The following ADAM28 variants were observed in gnomAD, a reference collection of about 807,000 sequenced individuals.
The protein encoded by ADAM28 is ADAM metallopeptidase domain 28, also known as disintegrin and metalloproteinase domain-containing protein 28.
A neutral mutation model predicts 101.2 loss-of-function variants in ADAM28; 105 were observed. The observed-to-expected ratio is 1.04, with a 90% CI of 0.89 to 1.22. The LOEUF (loss-of-function observed/expected upper bound fraction) is 1.22. Among genes scored for constraint, ADAM28 ranks in the 50% most tolerant of loss-of-function variants. ADAM28 has a pLI of 0.00. For synonymous variants in ADAM28, 322 were observed against 310.6 expected (o/e 1.04, Z -0.39); for missense variants, 1,028 against 945.4 (o/e 1.09, Z -1.15).
Position 24,323,955 on chromosome 8 carries a change from G to C in ADAM28, c.842G>C (p.Gly281Ala). The C allele has an allele frequency of 1.2e-6, 2 of 1,612,074 alleles. No individual in the cohort carries two copies. Among genetic ancestry groups the C allele is most frequent in the Non-Finnish European group, 1.7e-6 (2 of 1,178,760 alleles). ...TTGGAGAATTTTTCTAAATGGAGGGGGAGTGTTCTCTCAAGAAGAAAGCGT... is the reference window on the plus strand; with the variant it reads ...TTGGAGAATTTTTCTAAATGGAGGGCGAGTGTTCTCTCAAGAAGAAAGCGT... ...FTLENFSKWR[G>A]SVLSRRKRHD... is the part of the protein sequence containing the mutation. The change falls in exon 9 of 23, where the codon GGG becomes GCG. Residue 281 changes from glycine to alanine, a missense_variant. Coordinates refer to ENST00000265769, the MANE Select transcript of ADAM28 (RefSeq NM_014265.6).
Position 24,354,863 on chromosome 8 carries a change from A to C in ADAM28, c.*459A>C, listed in dbSNP as rs77865335. On this transcript the variant is annotated 3_prime_UTR_variant, in exon 23 of 23. Coordinates refer to ENST00000265769, the MANE Select transcript of ADAM28 (RefSeq NM_014265.6). ...AATGATGTAAAATTCTGTTTTGTGG[A>C]TCTCTTTCCTAGATTAGCTTCTGAA... 2,826 of 153,140 alleles carry C rather than the reference A, an allele frequency of 0.018. 103 individuals carry two copies. Among genetic ancestry groups the C allele is most frequent in the African/African-American group, 0.065 (2,715 of 41,552 alleles). The allele number at this position is 153,140 out of a possible 1,614,324, so 9.5% of individuals were successfully genotyped here.
intron 14 of ADAM28, 125 bp from the exon 15 acceptor site, chr8:24,339,341 T>G (rs2129323385): frequency 1.4e-6 from 1 of 700,178 alleles, no homozygotes; most frequent in Middle Eastern, 3.2e-4. Context: ...ATAGTATTTT[T>G]CTTGCTTGTT....
intron 11 of ADAM28, among the ~76,000 whole-genome samples, chr8:24,330,569 T>A (rs1007518047): frequency 6.6e-6 from 1 of 152,206 alleles, no homozygotes; most frequent in African/African-American, 2.4e-5. Context: ...CAATCTTTTT[T>A]AAATATTCAT....
Position 24,313,434 on chromosome 8 carries a change from A to G in ADAM28, c.430A>G (p.Ser144Gly). 1 of 1,613,672 alleles carries G rather than the reference A, an allele frequency of 6.2e-7. No homozygotes were observed. Among genetic ancestry groups the G allele is most frequent in the South Asian group, 1.1e-5 (1 of 91,028 alleles). ...TCAAAGATACTTTATTGAACCTTTA[A>G]GCCCCATACATCGGGATGGACAGGA... is the stretch of plus-strand genomic sequence containing the variant. Reference protein sequence around the residue: ...GDQRYFIEPLSPIHRDGQEHA... With the variant: ...GDQRYFIEPLGPIHRDGQEHA... Residue 144 changes from serine to glycine, a missense_variant, in exon 6 of 23, where the codon AGC (serine) becomes GGC (glycine). Ser to Gly is a moderately conservative substitution (Grantham distance 56). Transcript: ENST00000265769.
At chr8:24,310,312 G>A in intron 4 of ADAM28, 71 bp downstream of exon 4, 2 of 1,364,162 alleles carry the variant, frequency 1.5e-6, no homozygotes, top group Admixed American at 1.9e-5. Context: ...TCCTTGCCAG[G>A]CAAATAATAG....
At chr8:24,348,098 T>G (rs1483620377) in intron 18 of ADAM28, among the ~76,000 whole-genome samples, 1 of 152,172 alleles carries the variant, frequency 6.6e-6, no homozygotes, top group African/African-American at 2.4e-5. Flanking sequence ...ATGTTCCCTT[T>G]TCTCTCCTTT....
At chr8:24,339,148 G>C (rs1425266847) in intron 14 of ADAM28, among the ~76,000 whole-genome samples, 2 of 152,052 alleles carry the variant, frequency 1.3e-5, no homozygotes, top group Non-Finnish European at 2.9e-5. Flanking sequence ...GTCTGATGGA[G>C]ATCTGAGGAA....
In ADAM28 at chr8:24,313,581, G is replaced by T; in HGVS notation, c.576+1G>T. ...TGCCCTACCTGCCACCAAACTAGTA[G>T]TATGTGTAACTTTATTTATTTGAAA... is the stretch of plus-strand genomic sequence containing the variant. On this transcript the variant is annotated splice_donor_variant, in intron 6 of 22. Coordinates refer to ENST00000265769, the MANE Select transcript of ADAM28 (RefSeq NM_014265.6). LOFTEE classifies it high-confidence loss of function. 2 of 1,612,978 alleles carry T rather than the reference G, an allele frequency of 1.2e-6. No individual in the cohort carries two copies. The highest frequency in any genetic ancestry group is 1.7e-6 in the Non-Finnish European group (2 of 1,179,436).
At chr8:24,326,073 A>G (rs1175692744) in intron 9 of ADAM28, among the ~76,000 whole-genome samples, 1 of 151,826 alleles carries the variant, frequency 6.6e-6, no homozygotes, top group East Asian at 1.9e-4. Flanking sequence ...TTTGAATAAT[A>G]TAAATGATCA....
Position 24,323,881 on chromosome 8 carries a change from C to T in ADAM28, c.768C>T (p.Ile256=), listed in dbSNP as rs1410192549. The change falls in exon 9 of 23, where the codon ATC becomes ATT. Residue 256 remains isoleucine, a synonymous_variant. Coordinates refer to ENST00000265769, the MANE Select transcript of ADAM28 (RefSeq NM_014265.6). ...NTHVALVGME[I]WTDKDKIKIT... ...ATGTGGCCTTAGTTGGTATGGAAAT[C>T]TGGACTGACAAGGATAAGATAAAGA... 2 of 1,611,988 alleles carry T rather than the reference C, an allele frequency of 1.2e-6. No homozygotes were observed. The highest frequency in any genetic ancestry group is 1.7e-6 in the Non-Finnish European group (2 of 1,178,758).
rs542540105 is a variant in ADAM28 at position 24,315,227 on chromosome 8, G to A, written c.576+1647G>A. Among the ~76,000 whole-genome samples the A allele has an allele frequency of 7.2e-5, 11 of 152,002 alleles. No individual in the cohort carries two copies. In the South Asian group the frequency reaches 2.3e-3, roughly 31 times the overall value. ...AGACATGCATAGGCTGAAAGAAAAA[G>A]ATGGAAGAACATATTCCATGCAAAT... On this transcript the variant is annotated intron_variant, in intron 6 of 22. Coordinates refer to ENST00000265769, the MANE Select transcript of ADAM28 (RefSeq NM_014265.6).
chr8:24,341,578 C>T lies in ADAM28; in HGVS notation c.1671-20C>T, dbSNP rs11996594. 3.1e-6 allele frequency: 5 copies of T among 1,606,926 alleles called. No homozygotes were observed. The highest frequency in any genetic ancestry group is 3.4e-6 in the Non-Finnish European group (4 of 1,175,496). On this transcript the variant is annotated intron_variant, in intron 15 of 22. Coordinates refer to ENST00000265769, the MANE Select transcript of ADAM28 (RefSeq NM_014265.6). ...AAACTGCAATTTGAATCCTGCAATA[C>T]ATTTTGGCTTTTTCCTCAGTGATAC...
At chr8:24,318,032 A>C (rs1811393906) in intron 6 of ADAM28, among the ~76,000 whole-genome samples, 1 of 152,038 alleles carries the variant, frequency 6.6e-6, no homozygotes, top group Non-Finnish European at 1.5e-5. Flanking sequence ...CGTTGGTTGG[A>C]GAGGATTTAT....
In ADAM28 at chr8:24,358,404, TG is replaced by T. The variant is rs1326980360; in HGVS notation, c.*4002del. Reference sequence around the variant, plus strand: ...GATGTAATATGGAAAAATATGGAAATGGTTGGGGTGATAAGCAAGTCTTGCA... The same window carrying T: ...GATGTAATATGGAAAAATATGGAAATGTTGGGGTGATAAGCAAGTCTTGCA... On this transcript the variant is annotated 3_prime_UTR_variant, in exon 23 of 23. Coordinates refer to ENST00000265769, the MANE Select transcript of ADAM28 (RefSeq NM_014265.6). 3 of 152,328 alleles carry T rather than the reference TG, an allele frequency of 2.0e-5. No homozygotes were observed. The highest frequency in any genetic ancestry group is 7.2e-5 in the African/African-American group (3 of 41,580). 9.4% of individuals were successfully genotyped at this position (152,328 alleles called of 1,614,324 possible).
chr8:24,354,072 TC>T (rs951037312), intron 22 of ADAM28, among the ~76,000 whole-genome samples: 46 of 152,152 alleles, frequency 3.0e-4, no homozygotes, highest in African/African-American at 9.6e-4. Context: ...TCAGAAATAT[TC>T]CCTAAGGATG....
At chr8:24,331,944 GT>G (rs1388416345) in intron 12 of ADAM28, among the ~76,000 whole-genome samples, 3 of 152,146 alleles carry the variant, frequency 2.0e-5, no homozygotes, top group African/African-American at 7.2e-5. Context: ...AGCCTTCAGA[GT>G]ACTGGCTTTC....
chr8:24,328,654 A>C (rs1171526954), intron 10 of ADAM28, among the ~76,000 whole-genome samples: 1 of 152,048 alleles, frequency 6.6e-6, no homozygotes, highest in African/African-American at 2.4e-5. Flanking sequence ...AGTTGCATTA[A>C]GATGGACCTC....
At position 24,310,165 on chromosome 8, in the gene ADAM28, A is replaced by G. The variant is rs1421253660; in HGVS notation, c.230A>G (p.Asn77Ser). ...IAVLYLKKNK[N>S]LLAPGYTETY... The stretch of plus-strand genomic sequence containing the variant: ...CATTTTTGTGTTTCTTTCTCCAGGA[A>G]CCTCCTTGCACCAGGCTACACGGAA... The change falls in exon 4 of 23, where the codon AAC becomes AGC. Residue 77 changes from asparagine to serine, a missense_variant and splice_region_variant. Transcript: ENST00000265769. The G allele has an allele frequency of 3.7e-6, 6 of 1,613,108 alleles. No individual in the cohort carries two copies. The highest frequency in any genetic ancestry group is 4.2e-6 in the Non-Finnish European group (5 of 1,179,532).
intron 18 of ADAM28, among the ~76,000 whole-genome samples, chr8:24,348,042 G>C (rs532607954): frequency 9.2e-5 from 14 of 152,014 alleles, no homozygotes; most frequent in African/African-American, 3.1e-4. Flanking sequence ...TGATGTACTT[G>C]GGTATAAATC....
Sources: allele counts gnomAD v4.1 joint callset (sites outside exome capture counted in the v4.1 genomes callset), GRCh38; gene constraint gnomAD v4.1.1; transcripts MANE v1.5; gene names NCBI Gene and HGNC (gene_info 2026-07-23, HGNC 2026-07-21).